KIAA1217: variants seen among roughly 807,000 people sequenced by gnomAD.
KIAA1217 encodes sickle tail protein homolog.
A neutral mutation model predicts 163.9 loss-of-function variants in KIAA1217; 88 were observed. The ratio of observed to expected loss-of-function variants is 0.54; its 90% CI spans 0.45 to 0.64. The LOEUF (loss-of-function observed/expected upper bound fraction) is 0.64, where lower values mean the gene tolerates loss of function less well. Ranked by LOEUF, KIAA1217 falls within the 30% of genes least tolerant of loss-of-function variation. The probability of loss-of-function intolerance (pLI) is 0.00; values close to 1 mark genes in which losing one functional copy is unlikely to be tolerated. For synonymous variants in KIAA1217, 903 were observed against 923.1 expected (o/e 0.98, Z 0.39); for missense variants, 2,372 against 2,475.0 (o/e 0.96, Z 0.88).
rs188184965 is a variant in KIAA1217, at chr10:24,004,138, C to A, written c.-320-3087C>A. Among the ~76,000 whole-genome samples the A allele has an allele frequency of 4.4e-3, 667 of 152,122 alleles. 11 individuals are homozygous for A. The highest frequency in any genetic ancestry group is 0.015 in the African/African-American group (639 of 41,498). On this transcript the variant is annotated intron_variant, in intron 1 of 18. Coordinates refer to the KIAA1217 transcript ENST00000376462. ...GGGATTACAGGCACACACCACCACG[C>A]CTGGCTAATTTTTGTATTTTAGTAG... is the stretch of plus-strand genomic sequence containing the variant.
intron 1 of KIAA1217, among the ~76,000 whole-genome samples, chr10:23,956,834 C>A (rs887248521): frequency 6.6e-6 from 1 of 152,264 alleles, no homozygotes; most frequent in Middle Eastern, 3.4e-3. Context: ...ACTCAGAGAA[C>A]TTACTCATTA....
chr10:23,816,785 A>G (rs375864046), intron 1 of KIAA1217, among the ~76,000 whole-genome samples: 3 of 152,280 alleles, frequency 2.0e-5, no homozygotes, highest in Non-Finnish European at 4.4e-5. Context: ...ACATTTCTGC[A>G]TTGTTTATCA....
At chr10:24,389,702 C>T (rs1324226514) in intron 3 of KIAA1217, among the ~76,000 whole-genome samples, 1 of 152,210 alleles carries the variant, frequency 6.6e-6, no homozygotes, top group Non-Finnish European at 1.5e-5. Context: ...CCAGTCTCTT[C>T]CTAGTGCACC....
chr10:24,286,453 T>TACAC (rs1385695605), intron 2 of KIAA1217, among the ~76,000 whole-genome samples: 2 of 151,166 alleles, frequency 1.3e-5, no homozygotes, highest in South Asian at 2.1e-4. Context: ...CATATATATA[T>TACAC]ATACACACAC....
intron 2 of KIAA1217, among the ~76,000 whole-genome samples, chr10:24,154,926 CAAAAAA>C (rs1250719385): frequency 1.5e-5 from 1 of 68,704 alleles, no homozygotes. Flanking sequence ...GACTCCATGT[CAAAAAA>C]AAAAAAAAAA....
chr10:23,902,290 A>T (rs939991061), intron 1 of KIAA1217, among the ~76,000 whole-genome samples: 1 of 152,092 alleles, frequency 6.6e-6, no homozygotes, highest in Non-Finnish European at 1.5e-5. Context: ...AATACCACAC[A>T]TTCTCACTTA....
At chr10:24,318,046 C>A (rs980486453) in intron 2 of KIAA1217, among the ~76,000 whole-genome samples, 108 of 152,248 alleles carry the variant, frequency 7.1e-4, no homozygotes, top group African/African-American at 2.5e-3. Context: ...GTGGCTCATG[C>A]CTGCAATCCC....
intron 2 of KIAA1217, among the ~76,000 whole-genome samples, chr10:24,035,390 G>T (rs987148956): frequency 6.6e-6 from 1 of 152,082 alleles, no homozygotes; most frequent in Non-Finnish European, 1.5e-5. Context: ...TTTGTCTTGG[G>T]GTACCTGATG....
chr10:24,369,764 T>G (rs1283322251), intron 2 of KIAA1217, among the ~76,000 whole-genome samples: 1 of 152,156 alleles, frequency 6.6e-6, no homozygotes, highest in African/African-American at 2.4e-5. Context: ...ACAGACACCT[T>G]TTATCCTATA....
At chr10:24,107,156 T>G (rs571967395) in intron 2 of KIAA1217, among the ~76,000 whole-genome samples, 1 of 152,366 alleles carries the variant, frequency 6.6e-6, no homozygotes, top group Non-Finnish European at 1.5e-5. Context: ...TGTTGCTGCG[T>G]TAATTCACTT....
chr10:24,346,022 T>G (rs1212507663), intron 2 of KIAA1217, among the ~76,000 whole-genome samples: 1 of 152,186 alleles, frequency 6.6e-6, no homozygotes, highest in Non-Finnish European at 1.5e-5. Flanking sequence ...TCTGTGAGCT[T>G]GACTATTCTA....
At chr10:24,224,824 CTTTTTTTT>C (rs1286749568) in intron 2 of KIAA1217, among the ~76,000 whole-genome samples, 2 of 121,020 alleles carry the variant, frequency 1.7e-5, no homozygotes, top group Non-Finnish European at 3.4e-5. Context: ...AATCATTTGA[CTTTTTTTT>C]TTTTTTTTTT....
chr10:23,926,993 G>A lies in KIAA1217; in HGVS notation c.-320-80232G>A, dbSNP rs1056315086. 3.3e-5 allele frequency among the ~76,000 whole-genome samples: 5 copies of A among 151,792 alleles called. No individual in the cohort carries two copies. The South Asian group carries it at 6.2e-4, about 19-fold the overall frequency. On this transcript the variant is annotated intron_variant, in intron 1 of 18. Transcript: ENST00000376462. ...CGTGATCTGGGCTCACTGCAGCCTCGACTTCCCAGGTTCAAGCAATCCTCC... is the reference window on the plus strand; with the variant it reads ...CGTGATCTGGGCTCACTGCAGCCTCAACTTCCCAGGTTCAAGCAATCCTCC...
In KIAA1217 at chr10:24,030,986, A is replaced by G. The variant is rs143654218; in HGVS notation, c.-171+23612A>G. 4.5e-3 allele frequency among the ~76,000 whole-genome samples: 693 copies of G among 152,318 alleles called. 1 individual carries two copies. The highest frequency in any genetic ancestry group is 6.9e-3 in the Non-Finnish European group (472 of 68,024). ...TCTTGTTAATAATACTATTATGAGCATGGCTGTACAAATATCTGTTCGAAT... is the reference window on the plus strand; with the variant it reads ...TCTTGTTAATAATACTATTATGAGCGTGGCTGTACAAATATCTGTTCGAAT... On this transcript the variant is annotated intron_variant, in intron 2 of 18. Transcript: ENST00000376462.
intron 2 of KIAA1217, among the ~76,000 whole-genome samples, chr10:24,148,642 C>T (rs2064455692): frequency 6.6e-6 from 1 of 152,176 alleles, no homozygotes; most frequent in African/African-American, 2.4e-5. Context: ...GCCGGCTTCC[C>T]CTGTGCCTTC....
intron 5 of KIAA1217, among the ~76,000 whole-genome samples, chr10:24,466,174 T>G (rs2062928276): frequency 2.6e-5 from 4 of 151,974 alleles, no homozygotes; most frequent in Admixed American, 2.0e-4. Flanking sequence ...TGGGTGCTGG[T>G]CTAGGTTTTT....
chr10:23,804,502 G>A (rs78714169), intron 1 of KIAA1217, among the ~76,000 whole-genome samples: 1,686 of 152,292 alleles, frequency 0.011, 31 homozygotes, highest in African/African-American at 0.039. Flanking sequence ...GTGAATAAAT[G>A]TTGGACTTTC....
chr10:24,209,360 G>GA (rs397774795), intron 1 of KIAA1217, 97 bp downstream of exon 1: 243,177 of 577,702 alleles, frequency 0.42, 28,295 homozygotes, highest in African/African-American at 0.77. Flanking sequence ...CCCGGCAAAG[G>GA]AAAAAAAAAA....
At chr10:24,297,145 G>T (rs2040718171) in intron 2 of KIAA1217, among the ~76,000 whole-genome samples, 1 of 152,212 alleles carries the variant, frequency 6.6e-6, no homozygotes, top group South Asian at 2.1e-4. Flanking sequence ...CTAAAACCAG[G>T]CAAAAGGACC....
Sources: allele counts gnomAD v4.1 joint callset (sites outside exome capture counted in the v4.1 genomes callset), GRCh38; gene constraint gnomAD v4.1.1; transcripts MANE v1.5; gene names NCBI Gene and HGNC (gene_info 2026-07-23, HGNC 2026-07-21).